SOX5: variants seen among roughly 807,000 people sequenced by gnomAD.
The protein encoded by SOX5 is transcription factor SOX-5.
In SOX5, 9 loss-of-function variants were observed where a neutral mutation model predicts 92.0. That is an observed-to-expected ratio of 0.10 (90% CI 0.06 to 0.17). The LOEUF is 0.17. Ranked by LOEUF, SOX5 falls within the 10% of genes least tolerant of loss-of-function variation. The pLI is 1.00. For synonymous variants in SOX5, 344 were observed against 336.3 expected (o/e 1.02, Z -0.25); for missense variants, 642 against 944.5 (o/e 0.68, Z 4.20).
rs151054639 is a variant in SOX5 at position 23,741,728 on chromosome 12, G to C, written c.569-689C>G. 5.7e-3 allele frequency among the ~76,000 whole-genome samples: 874 copies of C among 152,256 alleles called. 7 individuals carry two copies. Among genetic ancestry groups the C allele is most frequent in the African/African-American group, 0.02 (835 of 41,570 alleles). ...TACAGTTAACTGAGCAAATATTCAA[G>C]TTTGAGAACACAAATATAGCAATTG... On this transcript the variant is annotated intron_variant, in intron 4 of 14. Coordinates refer to ENST00000451604, the MANE Select transcript of SOX5 (RefSeq NM_006940.6).
At chr12:23,539,516 G>T (rs1941428786) in intron 13 of SOX5, among the ~76,000 whole-genome samples, 1 of 151,226 alleles carries the variant, frequency 6.6e-6, no homozygotes, top group Non-Finnish European at 1.5e-5. Flanking sequence ...CTCACAAAGA[G>T]AAGAGCATCC....
At chr12:23,842,949 C>T (rs1025209388) in intron 3 of SOX5, among the ~76,000 whole-genome samples, 2 of 152,090 alleles carry the variant, frequency 1.3e-5, no homozygotes, top group African/African-American at 4.8e-5. Flanking sequence ...CGTGGAGAAA[C>T]TTGCAAAACA....
chr12:24,294,663 A>C (rs1288732311), intron 2 of SOX5, among the ~76,000 whole-genome samples: 3 of 152,208 alleles, frequency 2.0e-5, no homozygotes. Context: ...AATATATCTA[A>C]GAGGGAAGCA....
chr12:24,118,355 T>C (rs929618644), intron 4 of SOX5, among the ~76,000 whole-genome samples: 2 of 152,126 alleles, frequency 1.3e-5, no homozygotes, highest in Admixed American at 6.5e-5. Context: ...AAACATCACA[T>C]TGTACCCCAT....
chr12:24,560,062 G>T (rs1954180835), intron 1 of SOX5, among the ~76,000 whole-genome samples: 1 of 151,998 alleles, frequency 6.6e-6, no homozygotes, highest in Admixed American at 6.6e-5. Flanking sequence ...TGTCAGATTG[G>T]ATCAATACTA....
intron 4 of SOX5, among the ~76,000 whole-genome samples, chr12:24,143,877 G>A (rs1444718825): frequency 6.6e-6 from 1 of 150,470 alleles, no homozygotes; most frequent in Non-Finnish European, 1.5e-5. Flanking sequence ...GAAGGAGGAG[G>A]AGGAGGAAAG....
chr12:23,679,581 C>A (rs957930858), intron 6 of SOX5, among the ~76,000 whole-genome samples: 2 of 152,122 alleles, frequency 1.3e-5, no homozygotes, highest in Non-Finnish European at 2.9e-5. Context: ...ATCACACAGA[C>A]TTTACCTAAC....
intron 1 of SOX5, among the ~76,000 whole-genome samples, chr12:24,412,748 G>C (rs1964328791): frequency 6.7e-6 from 1 of 149,860 alleles, no homozygotes; most frequent in African/African-American, 2.4e-5. Flanking sequence ...AAGAATGTGT[G>C]TGCTGCTGCT....
chr12:24,524,652 T>A (rs2138542505), intron 1 of SOX5, among the ~76,000 whole-genome samples: 1 of 152,174 alleles, frequency 6.6e-6, no homozygotes, highest in East Asian at 1.9e-4. Flanking sequence ...ACGGCTAGCA[T>A]CAAAAAACAA....
chr12:24,488,716 A>T (rs951027139), intron 1 of SOX5, among the ~76,000 whole-genome samples: 1 of 152,208 alleles, frequency 6.6e-6, no homozygotes, highest in Non-Finnish European at 1.5e-5. Context: ...TAAGTATTTT[A>T]AAATCCTCCT....
chr12:24,017,991 C>A (rs181433409), intron 4 of SOX5, among the ~76,000 whole-genome samples: 18 of 152,318 alleles, frequency 1.2e-4, no homozygotes, highest in Admixed American at 4.6e-4. Flanking sequence ...AACTCAGGAT[C>A]TTGCTCCATC....
chr12:24,154,700 T>C (rs891200084), intron 4 of SOX5, among the ~76,000 whole-genome samples: 1 of 152,144 alleles, frequency 6.6e-6, no homozygotes, highest in South Asian at 2.1e-4. Flanking sequence ...AAACAACATA[T>C]AAAAAACCAA....
At chr12:24,426,172 C>T (rs540888212) in intron 1 of SOX5, among the ~76,000 whole-genome samples, 1 of 152,204 alleles carries the variant, frequency 6.6e-6, no homozygotes, top group East Asian at 1.9e-4. Context: ...TGCACTCCAG[C>T]CTGGGGGATA....
chr12:23,807,319 T>C (rs2095797777), intron 3 of SOX5, among the ~76,000 whole-genome samples: 1 of 152,158 alleles, frequency 6.6e-6, no homozygotes, highest in South Asian at 2.1e-4. Flanking sequence ...GACACTTCAT[T>C]AAGGTCTTTG....
intron 2 of SOX5, among the ~76,000 whole-genome samples, chr12:24,337,454 C>T (rs978266690): frequency 6.6e-6 from 1 of 152,042 alleles, no homozygotes; most frequent in Admixed American, 6.6e-5. Context: ...GATCCTCCCA[C>T]CTCAGCTTCC....
chr12:24,087,475 G>T (rs1944141916), intron 4 of SOX5, among the ~76,000 whole-genome samples: 2 of 152,132 alleles, frequency 1.3e-5, no homozygotes, highest in South Asian at 4.1e-4. Context: ...AGGGTGCTTT[G>T]CCTACAAGTG....
chr12:23,708,388 C>A (rs1181194028), intron 6 of SOX5, among the ~76,000 whole-genome samples: 1 of 150,652 alleles, frequency 6.6e-6, no homozygotes, highest in Non-Finnish European at 1.5e-5. Flanking sequence ...TTAAGTTTGG[C>A]TGAATCATCA....
chr12:24,076,031 T>C (rs963525205), intron 4 of SOX5, among the ~76,000 whole-genome samples: 4 of 152,126 alleles, frequency 2.6e-5, no homozygotes, highest in Non-Finnish European at 4.4e-5. Context: ...ATGAAAATGG[T>C]TGTAACTTTC....
At chr12:23,895,695 T>C in intron 2 of SOX5, 98 bp downstream of exon 2, 1 of 774,894 alleles carries the variant, frequency 1.3e-6, no homozygotes, top group Non-Finnish European at 2.2e-6. Context: ...GGTTCTTAAG[T>C]AGATGTTAAT....
Sources: allele counts gnomAD v4.1 joint callset (sites outside exome capture counted in the v4.1 genomes callset), GRCh38; gene constraint gnomAD v4.1.1; transcripts MANE v1.5; gene names NCBI Gene and HGNC (gene_info 2026-07-23, HGNC 2026-07-21).